Variants in ESYT3 observed in about 807,000 individuals in gnomAD.
ESYT3 encodes extended synaptotagmin 3.
A neutral mutation model predicts 111.5 loss-of-function variants in ESYT3; 101 were observed. The ratio of observed to expected loss-of-function variants is 0.91; its 90% CI spans 0.77 to 1.07. The LOEUF is 1.07. ESYT3 is among the 50% of genes least tolerant of loss of function. ESYT3 has a pLI of 0.00. For synonymous variants in ESYT3, 416 were observed against 446.8 expected (o/e 0.93, Z 0.87); for missense variants, 1,097 against 1,109.4 (o/e 0.99, Z 0.16).
Position 138,477,029 on chromosome 3 carries a change from A to C in ESYT3, c.*175A>C. ...GAATTTAACTCCATGACTGAATAGC[A>C]TAAGGAAGAGGTTATTTAAAAGCAA... is the stretch of plus-strand genomic sequence containing the variant. On this transcript the variant is annotated 3_prime_UTR_variant, in exon 23 of 23. Transcript: ENST00000389567. 1 of 466,516 alleles carries C rather than the reference A, an allele frequency of 2.1e-6. No individual in the cohort carries two copies. Among genetic ancestry groups the C allele is most frequent in the Non-Finnish European group, 3.7e-6 (1 of 268,600 alleles). 28.9% of individuals were successfully genotyped at this position (466,516 alleles called of 1,614,324 possible).
chr3:138,453,412 G>A (rs1416113532), intron 2 of ESYT3, among the ~76,000 whole-genome samples: 1 of 152,142 alleles, frequency 6.6e-6, no homozygotes, highest in East Asian at 1.9e-4. Context: ...AACTCAGGAG[G>A]CACTTGGCCA....
In ESYT3 at chr3:138,441,823, G is replaced by C. The variant is rs947224502; in HGVS notation, c.327+6698G>C. Among the ~76,000 whole-genome samples the C allele has an allele frequency of 6.1e-5, 4 of 65,650 alleles. No individual in the cohort carries two copies. In the Admixed American group the frequency reaches 7.1e-4, roughly 12 times the overall value. The allele number at this position is 65,650 out of a possible 152,430, so 43.1% of individuals were successfully genotyped here. A position where few individuals can be genotyped will look rare whatever the true frequency, so the allele number is the denominator to read the frequency against. On this transcript the variant is annotated intron_variant, in intron 1 of 22. Transcript: ENST00000389567. Reference sequence around the variant, plus strand: ...CATTGAGAATTATTAAAAAGACAAAGCACCTTTTTTTTTTAAGGTGCTGTA... The same window carrying C: ...CATTGAGAATTATTAAAAAGACAAACCACCTTTTTTTTTTAAGGTGCTGTA...
At chr3:138,437,645 A>G (rs1362654074) in intron 1 of ESYT3, among the ~76,000 whole-genome samples, 1 of 152,122 alleles carries the variant, frequency 6.6e-6, no homozygotes, top group Non-Finnish European at 1.5e-5. Flanking sequence ...GATGCTTCTG[A>G]AAGGCCCTTC....
chr3:138,452,118 C>G, intron 2 of ESYT3, 29 bp downstream of exon 2: 1 of 1,603,742 alleles, frequency 6.2e-7, no homozygotes, highest in Non-Finnish European at 8.5e-7. Flanking sequence ...CCTAGCAGGG[C>G]CGGACGCATG....
intron 2 of ESYT3, 55 bp from the exon 3 acceptor site, chr3:138,455,139 G>T: frequency 6.3e-7 from 1 of 1,597,760 alleles, no homozygotes; most frequent in South Asian, 1.1e-5. Context: ...TGCAGCTGTG[G>T]GTCTGCAGTG....
intron 12 of ESYT3, 150 bp downstream of exon 12, chr3:138,468,344 G>T: frequency 1.4e-6 from 1 of 702,532 alleles, no homozygotes; most frequent in Admixed American, 2.4e-5. Context: ...ACACAGGGCA[G>T]CTCCTGATAG....
chr3:138,473,546 C>T lies in ESYT3; in HGVS notation c.2248C>T (p.Leu750Phe), dbSNP rs1406433515. Residue 750 changes from leucine to phenylalanine, a missense_variant, in exon 19 of 23, where the codon CTC (leucine) becomes TTC (phenylalanine). Leu to Phe is a conservative substitution (Grantham distance 22). Transcript: ENST00000389567. Reference protein sequence around the residue: ...DISLNIEGGDLRRRQLGEIQL... With the variant: ...DISLNIEGGDFRRRQLGEIQL... The stretch of plus-strand genomic sequence containing the variant: ...GCTCTTTCTTTACAGAGGTGGGGAC[C>T]TCAGGCGACGGCAGCTGGGTGAGAT... 3.1e-6 allele frequency: 5 copies of T among 1,613,382 alleles called. No individual in the cohort carries two copies. The highest frequency in any genetic ancestry group is 1.3e-5 in the African/African-American group (1 of 75,010).
chr3:138,434,905 G>A lies in ESYT3; in HGVS notation c.107G>A (p.Cys36Tyr). The A allele has an allele frequency of 6.4e-7, 1 of 1,551,444 alleles. No individual in the cohort carries two copies. Among genetic ancestry groups the A allele is most frequent in the Non-Finnish European group, 8.7e-7 (1 of 1,147,082 alleles). ...RLSSQLLPEL[C>Y]TFVVRVLFYL... ...TCCAGCCAGCTGCTGCCCGAGCTCTGTACCTTCGTGGTGCGCGTGCTGTTC... is the reference window on the plus strand; with the variant it reads ...TCCAGCCAGCTGCTGCCCGAGCTCTATACCTTCGTGGTGCGCGTGCTGTTC... The change falls in exon 1 of 23, where the codon TGT becomes TAT. Residue 36 changes from cysteine to tyrosine, a missense_variant. Coordinates refer to ENST00000389567, the MANE Select transcript of ESYT3 (RefSeq NM_031913.5).
chr3:138,467,662 T>C, intron 11 of ESYT3, 53 bp downstream of exon 11: 1 of 1,560,214 alleles, frequency 6.4e-7, no homozygotes, highest in South Asian at 1.1e-5. Context: ...CCCTTTCCTG[T>C]GGACAGCTCC....
intron 9 of ESYT3, 78 bp from the exon 10 acceptor site, chr3:138,465,261 G>A (rs988373921): frequency 1.0e-5 from 11 of 1,073,074 alleles, no homozygotes; most frequent in Admixed American, 8.3e-5. Flanking sequence ...AGCGTTCTGA[G>A]CCATGATTTG....
At position 138,451,943 on chromosome 3, in the gene ESYT3, A is replaced by G. The variant is rs1038876840; in HGVS notation, c.328-105A>G. On this transcript the variant is annotated intron_variant, in intron 1 of 22. Coordinates refer to ENST00000389567, the MANE Select transcript of ESYT3 (RefSeq NM_031913.5). The stretch of plus-strand genomic sequence containing the variant: ...TGGAGGCGGCGGGGAGGAAGGGTTG[A>G]GGTGCAGCGCGTGGGCGGAATGGGA... The G allele has an allele frequency of 4.0e-6, 5 of 1,254,290 alleles. No individual in the cohort carries two copies. The African/African-American group carries it at 7.4e-5, about 19-fold the overall frequency. The allele number at this position is 1,254,290 out of a possible 1,614,324, so 77.7% of individuals were successfully genotyped here.
Position 138,452,056 on chromosome 3 carries a change from C to A in ESYT3, c.336C>A (p.Phe112Leu). Residue 112 changes from phenylalanine (F) to leucine (L), a missense_variant, in exon 2 of 23, where the codon TTC becomes TTA. Phe to Leu is a conservative substitution (Grantham distance 22). Coordinates refer to ENST00000389567, the MANE Select transcript of ESYT3 (RefSeq NM_031913.5). ...RGQHLPAWIH[F>L]PDVERVEWAN... is the part of the protein sequence containing the mutation. ...CGGGGCTTCTTTCCTAGATCCACTT[C>A]CCGGACGTGGAGCGGGTCGAGTGGG... 1 of 1,613,464 alleles carries A rather than the reference C, an allele frequency of 6.2e-7. No individual in the cohort carries two copies. The highest frequency in any genetic ancestry group is 8.5e-7 in the Non-Finnish European group (1 of 1,179,884).
chr3:138,452,115 G>A, intron 2 of ESYT3, 26 bp downstream of exon 2: 2 of 1,605,488 alleles, frequency 1.2e-6, no homozygotes, highest in Middle Eastern at 1.7e-4. Flanking sequence ...GGGCCTAGCA[G>A]GGCCGGACGC....
chr3:138,469,998 G>A (rs1054899964), intron 15 of ESYT3, 62 bp from the exon 16 acceptor site: 7 of 1,424,982 alleles, frequency 4.9e-6, no homozygotes, highest in Non-Finnish European at 6.8e-6. Flanking sequence ...ATAGCAGAGG[G>A]TGCCGGTATC....
intron 1 of ESYT3, among the ~76,000 whole-genome samples, chr3:138,444,265 G>A (rs2031374933): frequency 6.6e-6 from 1 of 152,194 alleles, no homozygotes; most frequent in African/African-American, 2.4e-5. Context: ...GTTTACGGAG[G>A]CCTCAGATGG....
At chr3:138,470,834 G>A in intron 16 of ESYT3, 43 bp from the exon 17 acceptor site, 2 of 1,612,596 alleles carry the variant, frequency 1.2e-6, no homozygotes, top group Non-Finnish European at 1.7e-6. Flanking sequence ...TGGAGTGGTG[G>A]GGCTTGGTTA....
At chr3:138,464,621 C>T (rs1268321543) in intron 9 of ESYT3, 106 bp downstream of exon 9, 1 of 1,215,874 alleles carries the variant, frequency 8.2e-7, no homozygotes, top group Admixed American at 2.0e-5. Flanking sequence ...ACAGGCAGGT[C>T]TGTGGAATTC....
At chr3:138,444,877 G>A (rs2108595994) in intron 1 of ESYT3, among the ~76,000 whole-genome samples, 1 of 152,310 alleles carries the variant, frequency 6.6e-6, no homozygotes, top group South Asian at 2.1e-4. Context: ...GGAAACCCAG[G>A]CTGTGACTTT....
Position 138,434,697 on chromosome 3 carries a change from G to T in ESYT3, c.-102G>T, listed in dbSNP as rs1560203154. ...TCCCAGCAGGGCAAGGGGGCGCGGC[G>T]TCCTGGTCCTCGAGCTTGGGAGACA... On this transcript the variant is annotated 5_prime_UTR_variant, in exon 1 of 23. Coordinates refer to ENST00000389567, the MANE Select transcript of ESYT3 (RefSeq NM_031913.5). The T allele has an allele frequency of 9.2e-7, 1 of 1,091,610 alleles. No homozygotes were observed. Among genetic ancestry groups the T allele is most frequent in the Non-Finnish European group, 1.3e-6 (1 of 791,974 alleles). 67.6% of individuals were successfully genotyped at this position (1,091,610 alleles called of 1,614,324 possible).
Sources: gnomAD v4.1 joint callset for allele counts (sites outside exome capture counted in the v4.1 genomes callset) on GRCh38, gnomAD v4.1.1 for gene constraint, MANE v1.5 for transcripts, NCBI Gene and HGNC (gene_info 2026-07-23, HGNC 2026-07-21) for gene names.